LMO7: variants seen among roughly 807,000 people sequenced by gnomAD.
The protein encoded by LMO7 is LIM domain only protein 7.
A neutral mutation model predicts 206.5 loss-of-function variants in LMO7; 120 were observed. The observed-to-expected ratio is 0.58, with a 90% confidence interval of 0.50 to 0.68. The LOEUF is 0.68. Ranked by LOEUF, LMO7 falls within the 30% of genes least tolerant of loss-of-function variation. The pLI is 0.00. For synonymous variants in LMO7, 706 were observed against 681.5 expected, an observed-to-expected ratio of 1.04 and a Z score of -0.56; for missense variants, 1,959 against 1,957.9, an observed-to-expected ratio of 1.00 and a Z score of -0.01.
chr13:75,857,908 C>T lies in LMO7; in HGVS notation c.4874-13C>T, dbSNP rs1555352483. On this transcript the variant is annotated splice_polypyrimidine_tract_variant and intron_variant, in intron 30 of 30. Transcript: ENST00000377534. The stretch of plus-strand genomic sequence containing the variant: ...TCTAAGCACTTTTCTTTCTTTTCTC[C>T]TTGCCCGATCAGCTGGACGGCCAAC... 2 of 1,587,728 alleles carry T rather than the reference C, an allele frequency of 1.3e-6. No individual in the cohort carries two copies. The highest frequency in any genetic ancestry group is 1.7e-6 in the Non-Finnish European group (2 of 1,167,938).
chr13:75,744,812 T>C (rs2046704377), intron 3 of LMO7, among the ~76,000 whole-genome samples: 1 of 152,172 alleles, frequency 6.6e-6, no homozygotes, highest in Non-Finnish European at 1.5e-5. Context: ...TTCTCCCTTA[T>C]GGGGCTGACA....
chr13:75,704,479 G>A (rs2042510367), intron 1 of LMO7, among the ~76,000 whole-genome samples: 1 of 152,166 alleles, frequency 6.6e-6, no homozygotes, highest in African/African-American at 2.4e-5. Context: ...ACAGCCTAAT[G>A]TTTGTCAGCA....
intron 1 of LMO7, among the ~76,000 whole-genome samples, chr13:75,673,165 A>G (rs2039733445): frequency 6.6e-6 from 1 of 152,190 alleles, no homozygotes; most frequent in African/African-American, 2.4e-5. Flanking sequence ...TTAACTGTTG[A>G]GAAGTCTTAG....
chr13:75,690,234 G>A (rs910484964), intron 1 of LMO7, among the ~76,000 whole-genome samples: 1 of 151,996 alleles, frequency 6.6e-6, no homozygotes, highest in Admixed American at 6.6e-5. Flanking sequence ...CACATAGCCT[G>A]AGCCACCTTC....
intron 3 of LMO7, among the ~76,000 whole-genome samples, chr13:75,753,948 C>A (rs1435805361): frequency 1.3e-5 from 2 of 152,160 alleles, no homozygotes. Flanking sequence ...CAGGCTTCAG[C>A]ACTATATAGT....
chr13:75,683,470 T>C (rs557878874), intron 1 of LMO7, among the ~76,000 whole-genome samples: 1 of 152,350 alleles, frequency 6.6e-6, no homozygotes, highest in Non-Finnish European at 1.5e-5. Flanking sequence ...CACCAATGAT[T>C]ATCATTCTTA....
At chr13:75,694,609 G>T (rs909419451) in intron 1 of LMO7, among the ~76,000 whole-genome samples, 6 of 152,156 alleles carry the variant, frequency 3.9e-5, no homozygotes, top group Admixed American at 3.9e-4. Context: ...ACATGGATTT[G>T]GAGGGACAGA....
intron 12 of LMO7, among the ~76,000 whole-genome samples, chr13:75,818,658 T>C (rs929489478): frequency 1.1e-4 from 16 of 152,140 alleles, no homozygotes; most frequent in Admixed American, 4.6e-4. Flanking sequence ...TGCCACGTGT[T>C]CCTTATTGCG....
intron 2 of LMO7, among the ~76,000 whole-genome samples, chr13:75,625,393 G>A (rs1566247333): frequency 6.6e-6 from 1 of 151,670 alleles, no homozygotes; most frequent in Non-Finnish European, 1.5e-5. Flanking sequence ...CTTTGAGTAT[G>A]TAAAGGTCCA....
intron 1 of LMO7, among the ~76,000 whole-genome samples, chr13:75,640,802 A>C (rs1470537839): frequency 6.6e-6 from 1 of 152,170 alleles, no homozygotes; most frequent in Admixed American, 6.5e-5. Context: ...CAGTGTCTTA[A>C]GCTTTATTGG....
chr13:75,757,362 C>T (rs114436534), intron 3 of LMO7, among the ~76,000 whole-genome samples: 1,593 of 152,282 alleles, frequency 0.01, 26 homozygotes, highest in African/African-American at 0.036. Context: ...CCTTCAGAAA[C>T]TAAATGAAAT....
At chr13:75,830,652 T>C (rs2058573302) in intron 15 of LMO7, among the ~76,000 whole-genome samples, 1 of 152,180 alleles carries the variant, frequency 6.6e-6, no homozygotes, top group Non-Finnish European at 1.5e-5. Context: ...TGCCCTTTTA[T>C]TAATATTTAA....
chr13:75,735,765 C>T (rs182352013), intron 3 of LMO7, among the ~76,000 whole-genome samples: 11 of 151,804 alleles, frequency 7.2e-5, no homozygotes, highest in South Asian at 2.1e-4. Context: ...TGAGCCACTG[C>T]GCTTTCTTGG....
intron 8 of LMO7, chr13:75,805,030 G>A (rs17713028): frequency 0.078 from 78,316 of 1,000,634 alleles, 3,292 homozygotes; most frequent in Non-Finnish European, 0.086. Context: ...TTAGCCAACC[G>A]TAGATTCCAA....
At chr13:75,708,943 C>T (rs1443380602) in intron 1 of LMO7, among the ~76,000 whole-genome samples, 2 of 151,998 alleles carry the variant, frequency 1.3e-5, no homozygotes, top group Non-Finnish European at 2.9e-5. Flanking sequence ...GCTATCCCTC[C>T]CCGCTCCCCC....
chr13:75,693,693 G>C (rs1019280260), intron 1 of LMO7, among the ~76,000 whole-genome samples: 2 of 152,164 alleles, frequency 1.3e-5, no homozygotes, highest in Non-Finnish European at 2.9e-5. Context: ...CCTGCCAAAG[G>C]CTCAGAGTGT....
At chr13:75,783,408 C>A (rs1359386132) in intron 4 of LMO7, among the ~76,000 whole-genome samples, 1 of 152,144 alleles carries the variant, frequency 6.6e-6, no homozygotes, top group African/African-American at 2.4e-5. Context: ...CTGCAAACTC[C>A]TGCCTCCTGG....
chr13:75,724,559 A>G (rs1296448417), intron 2 of LMO7, among the ~76,000 whole-genome samples: 1 of 152,124 alleles, frequency 6.6e-6, no homozygotes, highest in African/African-American at 2.4e-5. Context: ...AAGAAGTTCT[A>G]TTTGTAGAAG....
chr13:75,809,163 A>C lies in LMO7; in HGVS notation c.1926A>C (p.Gln642His). 6 of 1,612,530 alleles carry C rather than the reference A, an allele frequency of 3.7e-6. No individual in the cohort carries two copies. The highest frequency in any genetic ancestry group is 5.1e-6 in the Non-Finnish European group (6 of 1,178,796). ...TTTTCTGGTTTCTTAGACTCTTTCA[A>C]AAGATTTATGGTGAGAATGGGTAAG... is the stretch of plus-strand genomic sequence containing the variant. The part of the protein sequence containing the change: ...KKRLMVERLF[Q>H]KIYGENGSKS... The change falls in exon 11 of 31, where the codon CAA becomes CAC. Residue 642 changes from glutamine to histidine, a missense_variant. By Grantham distance (24) the Gln-to-His change is conservative. Coordinates refer to ENST00000377534, the MANE Select transcript of LMO7 (RefSeq NM_001306080.2).
Sources: gnomAD v4.1 joint callset for allele counts (sites outside exome capture counted in the v4.1 genomes callset) on GRCh38, gnomAD v4.1.1 for gene constraint, MANE v1.5 for transcripts, NCBI Gene and HGNC (gene_info 2026-07-23, HGNC 2026-07-21) for gene names.